Variants in PEDS1 observed in about 807,000 individuals in gnomAD.
PEDS1 encodes CarF homolog.
Under a neutral mutation model 35.2 loss-of-function variants are expected in PEDS1, and 14 were observed. That is an observed-to-expected ratio of 0.40 (90% CI 0.26 to 0.62). The LOEUF is 0.62. PEDS1 is among the 20% of genes least tolerant of loss of function. The probability of loss-of-function intolerance (pLI) is 0.44; values close to 1 mark genes in which losing one functional copy is unlikely to be tolerated. For missense variants in PEDS1, 260 were observed against 367.8 expected (o/e 0.71, Z 2.40); for synonymous variants, 152 against 152.0 (o/e 1.00, Z 0.00).
intron 1 of PEDS1, among the ~76,000 whole-genome samples, chr20:50,146,299 C>G (rs2081344642): frequency 6.6e-6 from 1 of 152,154 alleles, no homozygotes; most frequent in South Asian, 2.1e-4. Context: ...TCCTCTGACC[C>G]CACACTCCCC....
chr20:50,127,577 C>T (rs2081122577), intron 5 of PEDS1, among the ~76,000 whole-genome samples: 1 of 152,126 alleles, frequency 6.6e-6, no homozygotes, highest in South Asian at 2.1e-4. Flanking sequence ...AACTCCTGAC[C>T]TCAAGTGATC....
chr20:50,131,328 G>T (rs911788616), intron 2 of PEDS1, among the ~76,000 whole-genome samples: 12 of 152,220 alleles, frequency 7.9e-5, no homozygotes, highest in African/African-American at 2.9e-4. Flanking sequence ...GTGTTAGAAA[G>T]AAAGTACCTC....
Position 50,128,925 on chromosome 20 carries a change from G to A in PEDS1, c.478+621C>T, listed in dbSNP as rs1358832795. 3.3e-5 allele frequency among the ~76,000 whole-genome samples: 5 copies of A among 152,214 alleles called. No homozygotes were observed. The highest frequency in any genetic ancestry group is 7.3e-5 in the Non-Finnish European group (5 of 68,028). On this transcript the variant is annotated intron_variant, in intron 4 of 5. Coordinates refer to ENST00000371652, the MANE Select transcript of PEDS1 (RefSeq NM_199129.4). This position sits in a 1 kb window ranked among gnomAD's most constrained non-coding sequence, Gnocchi z 5.2. ...AGCAGGGGCTGGGTGCACCCCCAGG[G>A]AAGGGGATGGGCAGGGTGCCATAGC...
chr20:50,139,825 C>T (rs1190229365), intron 2 of PEDS1, among the ~76,000 whole-genome samples: 6 of 152,072 alleles, frequency 3.9e-5, no homozygotes, highest in African/African-American at 9.6e-5. Context: ...GGATTATAGG[C>T]GCCTACCACC....
chr20:50,151,140 T>G, intron 1 of PEDS1: 1 of 830,784 alleles, frequency 1.2e-6, no homozygotes, highest in South Asian at 1.6e-5. Flanking sequence ...GATCACACAG[T>G]GAGCAGATAG....
rs1041368043 is a variant in PEDS1 at position 50,121,998 on chromosome 20, C to A, written c.*3060G>T. ...ATTTTTCAGCCCTGGGCAACCAGAG[C>A]ATTTCACCCCACTGGCCAATGTGAT... On this transcript the variant is annotated 3_prime_UTR_variant, in exon 6 of 6. Coordinates refer to ENST00000371652, the MANE Select transcript of PEDS1 (RefSeq NM_199129.4). The A allele has an allele frequency of 2.0e-5, 3 of 152,220 alleles. No homozygotes were observed. Among genetic ancestry groups the A allele is most frequent in the African/African-American group, 7.2e-5 (3 of 41,434 alleles). The allele number at this position is 152,220 out of a possible 1,614,324, so 9.4% of individuals were successfully genotyped here.
At chr20:50,132,591 C>T (rs1307232979) in intron 2 of PEDS1, among the ~76,000 whole-genome samples, 5 of 152,146 alleles carry the variant, frequency 3.3e-5, no homozygotes, top group African/African-American at 4.8e-5. Flanking sequence ...CCAGCATTTC[C>T]GATCTCCTAT....
Position 50,143,538 on chromosome 20 carries a change from G to C in PEDS1, c.205C>G (p.Arg69Gly), listed in dbSNP as rs752714557. 23 of 1,613,028 alleles carry C rather than the reference G, an allele frequency of 1.4e-5. 1 individual carries two copies. In the South Asian group the frequency reaches 2.4e-4, roughly 17 times the overall value. The change falls in exon 2 of 6, where the codon CGC (arginine) becomes GGC (glycine). Residue 69 changes from arginine (R) to glycine (G), a missense_variant. Arg to Gly is a moderately radical substitution (Grantham distance 125). Transcript: ENST00000371652. ...HNLVHLLLLARWEDTPLVILG... is the reference protein window; with the variant it reads ...HNLVHLLLLAGWEDTPLVILG... ...ATGACGAGGGGTGTGTCCTCCCAGCGGGCCAGCAGCAGGAGATGGACCAGG... is the reference window on the plus strand; with the variant it reads ...ATGACGAGGGGTGTGTCCTCCCAGCCGGCCAGCAGCAGGAGATGGACCAGG...
In PEDS1 at chr20:50,124,955, C is replaced by T. The variant is rs2081083638; in HGVS notation, c.*103G>A. The T allele has an allele frequency of 1.3e-6, 2 of 1,527,870 alleles. No homozygotes were observed. Among genetic ancestry groups the T allele is most frequent in the Non-Finnish European group, 1.8e-6 (2 of 1,121,310 alleles). 94.6% of individuals were successfully genotyped at this position (1,527,870 alleles called of 1,614,324 possible). On this transcript the variant is annotated 3_prime_UTR_variant, in exon 6 of 6. Transcript: ENST00000371652. ...TACCTGGGCCCAGCCCAGGAGATGT[C>T]CTCTCCATCTGGAGGGGCCAGCTCA...
At chr20:50,127,530 G>T (rs1203498038) in intron 5 of PEDS1, among the ~76,000 whole-genome samples, 2 of 152,040 alleles carry the variant, frequency 1.3e-5, no homozygotes, top group Non-Finnish European at 2.9e-5. Context: ...ATTTTTAGTA[G>T]AGATGGGGTT....
intron 1 of PEDS1, among the ~76,000 whole-genome samples, chr20:50,149,305 C>G (rs2081377700): frequency 6.6e-6 from 1 of 152,104 alleles, no homozygotes; most frequent in Non-Finnish European, 1.5e-5. Flanking sequence ...TCTGTAATCC[C>G]CAGGGCAGGG....
intron 2 of PEDS1, among the ~76,000 whole-genome samples, chr20:50,132,581 C>G (rs148736679): frequency 3.4e-4 from 52 of 152,280 alleles, no homozygotes; most frequent in Non-Finnish European, 7.1e-4. Context: ...ACCTCATCTT[C>G]CAGCATTTCC....
intron 5 of PEDS1, among the ~76,000 whole-genome samples, chr20:50,127,752 T>C (rs1820517456): frequency 6.6e-6 from 1 of 152,176 alleles, no homozygotes; most frequent in African/African-American, 2.4e-5. Context: ...CACAACGCCA[T>C]GAAGTCGAGG....
intron 2 of PEDS1, among the ~76,000 whole-genome samples, chr20:50,134,283 T>C (rs935987302): frequency 9.8e-5 from 15 of 152,310 alleles, no homozygotes; most frequent in African/African-American, 3.1e-4. Flanking sequence ...GCTGGCACCA[T>C]TGCACTCCTC....
chr20:50,130,103 G>A (rs1044130007), intron 3 of PEDS1, among the ~76,000 whole-genome samples: 1 of 152,148 alleles, frequency 6.6e-6, no homozygotes, highest in Non-Finnish European at 1.5e-5. Context: ...TGACAAGGCT[G>A]ACCTCGCCCC....
At chr20:50,153,475 G>A in intron 1 of PEDS1, 42 bp downstream of exon 1, 1 of 1,303,888 alleles carries the variant, frequency 7.7e-7, no homozygotes, top group Admixed American at 3.8e-5. Flanking sequence ...CCGCAGCCGG[G>A]GCTGGTGACC....
chr20:50,126,926 C>T (rs2147268635), intron 5 of PEDS1, among the ~76,000 whole-genome samples: 1 of 152,314 alleles, frequency 6.6e-6, no homozygotes, highest in Non-Finnish European at 1.5e-5. Context: ...CTTCTCTCCT[C>T]CCTCTTCAGT....
chr20:50,122,075 G>C lies in PEDS1; in HGVS notation c.*2983C>G, dbSNP rs1241126906. Reference sequence around the variant, plus strand: ...GTCCAGACCAATGAGAGCCTGCCCTGGGACTTCCACTGCAACTACTGGGAA... The same window carrying C: ...GTCCAGACCAATGAGAGCCTGCCCTCGGACTTCCACTGCAACTACTGGGAA... On this transcript the variant is annotated 3_prime_UTR_variant, in exon 6 of 6. Coordinates refer to ENST00000371652, the MANE Select transcript of PEDS1 (RefSeq NM_199129.4). The C allele has an allele frequency of 1.3e-5, 2 of 152,204 alleles. No individual in the cohort carries two copies. The highest frequency in any genetic ancestry group is 2.9e-5 in the Non-Finnish European group (2 of 68,072). The allele number at this position is 152,204 out of a possible 1,614,324, so 9.4% of individuals were successfully genotyped here.
rs141058261 is a variant in PEDS1 at position 50,125,094 on chromosome 20, C to G, written c.777G>C (p.Arg259=). ...LIQGLTGEKP[R]ADDMKWAQKI... is the part of the protein sequence containing the mutation. ...TCTGGGCCCATTTCATGTCATCTGC[C>G]CGAGGCTTCTCGCCCGTCAGGCCCT... Residue 259 remains arginine, a synonymous_variant, in exon 6 of 6, where the codon CGG becomes CGC. Transcript: ENST00000371652. 9 of 1,614,006 alleles carry G rather than the reference C, an allele frequency of 5.6e-6. No individual in the cohort carries two copies. Among genetic ancestry groups the G allele is most frequent in the Non-Finnish European group, 7.6e-6 (9 of 1,179,994 alleles).
Sources: gnomAD v4.1 joint callset for allele counts (sites outside exome capture counted in the v4.1 genomes callset) on GRCh38, gnomAD v4.1.1 for gene constraint, Gnocchi (gnomAD v3.1) non-coding constraint, MANE v1.5 for transcripts, NCBI Gene and HGNC (gene_info 2026-07-23, HGNC 2026-07-21) for gene names.